The following PLAC8 variants were observed in gnomAD, a reference collection of about 807,000 sequenced individuals.
PLAC8 encodes the protein placenta-specific gene 8 protein.
PLAC8 carries 6 observed loss-of-function variants against 12.6 expected under a neutral mutation model. The ratio of observed to expected loss-of-function variants is 0.48; its 90% CI spans 0.26 to 0.94. The LOEUF is 0.94. Among genes scored for constraint, PLAC8 ranks in the 40% least tolerant of loss-of-function variants. PLAC8 has a pLI of 0.14. For missense variants in PLAC8, 122 were observed against 152.7 expected (o/e 0.80, Z 1.06); for synonymous variants, 54 against 52.6 (o/e 1.03, Z -0.11).
intron 4 of PLAC8, 169 bp downstream of exon 4, chr4:83,094,509 C>T (rs961593960): frequency 1.8e-6 from 1 of 541,318 alleles, no homozygotes; most frequent in African/African-American, 2.0e-5. Flanking sequence ...ATAGAGCTAT[C>T]TTCTTCATAA....
At chr4:83,092,181 A>C (rs1208095681) in intron 4 of PLAC8, among the ~76,000 whole-genome samples, 2 of 152,094 alleles carry the variant, frequency 1.3e-5, no homozygotes, top group Non-Finnish European at 2.9e-5. Flanking sequence ...ATTCAGTGAG[A>C]TATTTTCCCT....
chr4:83,102,487 C>G (rs58120464), intron 3 of PLAC8, among the ~76,000 whole-genome samples: 1 of 151,918 alleles, frequency 6.6e-6, no homozygotes, highest in Non-Finnish European at 1.5e-5. Context: ...TGCAGTGAGC[C>G]GAGACGGCGC....
intron 1 of PLAC8, among the ~76,000 whole-genome samples, chr4:83,110,095 G>A (rs570051790): frequency 1.3e-5 from 2 of 152,222 alleles, no homozygotes; most frequent in South Asian, 4.1e-4. Flanking sequence ...AGCTGGGCAG[G>A]GCTGGCGCCG....
chr4:83,091,360 T>A (rs1731803251), intron 4 of PLAC8, among the ~76,000 whole-genome samples: 1 of 152,208 alleles, frequency 6.6e-6, no homozygotes, highest in African/African-American at 2.4e-5. Flanking sequence ...CTGACAGTTT[T>A]CAGGAGGAGT....
chr4:83,105,036 CAG>C lies in PLAC8; in HGVS notation c.119-18_119-17del. The C allele has an allele frequency of 6.2e-7, 1 of 1,613,900 alleles. No homozygotes were observed. The highest frequency in any genetic ancestry group is 8.5e-7 in the Non-Finnish European group (1 of 1,179,940). ...CCACAGAGACCTAGACACATGAAAC[CAG>C]GGGTACATATTACTCCACTCTGCCC... On this transcript the variant is annotated splice_polypyrimidine_tract_variant and intron_variant, in intron 2 of 4. Coordinates refer to ENST00000311507, the MANE Select transcript of PLAC8 (RefSeq NM_016619.3).
chr4:83,097,075 T>C (rs1161607589), intron 3 of PLAC8, among the ~76,000 whole-genome samples: 1 of 152,216 alleles, frequency 6.6e-6, no homozygotes. Context: ...TGCCTTCAGC[T>C]GTTTATTTGC....
At chr4:83,106,665 A>T (rs1732248731) in intron 2 of PLAC8, among the ~76,000 whole-genome samples, 1 of 152,114 alleles carries the variant, frequency 6.6e-6, no homozygotes, top group Non-Finnish European at 1.5e-5. Context: ...TCTCATTCAA[A>T]GTCATTTTCA....
chr4:83,109,205 T>G (rs966784238), intron 1 of PLAC8, among the ~76,000 whole-genome samples: 4 of 152,230 alleles, frequency 2.6e-5, no homozygotes, highest in Non-Finnish European at 5.9e-5. Flanking sequence ...CCTACCCACC[T>G]TACAGGCTCA....
intron 4 of PLAC8, among the ~76,000 whole-genome samples, chr4:83,092,302 TCTAA>T (rs1258319797): frequency 2.0e-5 from 3 of 152,210 alleles, no homozygotes; most frequent in Non-Finnish European, 4.4e-5. Context: ...GTTGGAATGA[TCTAA>T]CTCCCCATCT....
At chr4:83,100,757 A>AT (rs1732079958) in intron 3 of PLAC8, among the ~76,000 whole-genome samples, 1 of 152,190 alleles carries the variant, frequency 6.6e-6, no homozygotes, top group Non-Finnish European at 1.5e-5. Context: ...GAAGAGTCAC[A>AT]TATCTCCTAC....
At chr4:83,094,839 G>A in intron 3 of PLAC8, 48 bp from the exon 4 acceptor site, 2 of 1,126,648 alleles carry the variant, frequency 1.8e-6, no homozygotes, top group Middle Eastern at 2.4e-4. Context: ...CACCTATTTG[G>A]AATTAAGACT....
At chr4:83,112,368 A>T (rs546720236) in intron 1 of PLAC8, among the ~76,000 whole-genome samples, 1 of 151,898 alleles carries the variant, frequency 6.6e-6, no homozygotes, top group African/African-American at 2.4e-5. Flanking sequence ...TTCCTTCACT[A>T]CTTTTGTACT....
At chr4:83,094,648 G>T in intron 4 of PLAC8, 30 bp downstream of exon 4, 2 of 1,159,002 alleles carry the variant, frequency 1.7e-6, no homozygotes, top group Non-Finnish European at 2.6e-6. Context: ...AAACCCACAT[G>T]TTCTGAGAGG....
rs576345344 is a variant in PLAC8, at chr4:83,102,963, G to A, written c.243+1933C>T. On this transcript the variant is annotated intron_variant, in intron 3 of 4. Coordinates refer to ENST00000311507, the MANE Select transcript of PLAC8 (RefSeq NM_016619.3). ...TAGCCGGGCGTAGTGGCGGGCACCT[G>A]TAATCCCAGCTACTCAGGAGGCCGA... is the stretch of plus-strand genomic sequence containing the variant. Among the ~76,000 whole-genome samples, 8 of 151,278 alleles carry A rather than the reference G, an allele frequency of 5.3e-5. No individual in the cohort carries two copies. In the South Asian group the frequency reaches 1.7e-3, roughly 32 times the overall value.
intron 4 of PLAC8, chr4:83,092,810 C>CTTTTTTTTTTTTTTTTTTTTTT (rs70946966): frequency 5.9e-5 from 5 of 84,888 alleles, no homozygotes; most frequent in Admixed American, 1.4e-4. Context: ...TTTTCTTTTC[C>CTTTTTTTTTTTTTTTTTTTTTT]TTTTTTTTTT....
chr4:83,106,082 C>T (rs1167475055), intron 2 of PLAC8, among the ~76,000 whole-genome samples: 1 of 151,934 alleles, frequency 6.6e-6, no homozygotes, highest in Non-Finnish European at 1.5e-5. Context: ...TCACTGCAAC[C>T]TCTACCTCTC....
intron 4 of PLAC8, 163 bp downstream of exon 4, chr4:83,094,515 C>T (rs1242449535): frequency 1.8e-6 from 1 of 549,056 alleles, no homozygotes; most frequent in South Asian, 2.5e-5. Context: ...CTATCTTCTT[C>T]ATAAGAAGAA....
At chr4:83,098,772 A>T (rs1270519969) in intron 3 of PLAC8, among the ~76,000 whole-genome samples, 1 of 152,026 alleles carries the variant, frequency 6.6e-6, no homozygotes, top group African/African-American at 2.4e-5. Context: ...TATTTTTGCC[A>T]AATGAATGAC....
intron 3 of PLAC8, among the ~76,000 whole-genome samples, chr4:83,103,665 TTTTG>T (rs1227128064): frequency 6.7e-6 from 1 of 148,530 alleles, no homozygotes; most frequent in Non-Finnish European, 1.5e-5. Flanking sequence ...CTTATTTGTT[TTTTG>T]TTTTTGTTTT....
Sources: gnomAD v4.1 joint callset for allele counts (sites outside exome capture counted in the v4.1 genomes callset) on GRCh38, gnomAD v4.1.1 for gene constraint, MANE v1.5 for transcripts, NCBI Gene and HGNC (gene_info 2026-07-23, HGNC 2026-07-21) for gene names.